Variants in ATP10B observed in about 807,000 individuals in gnomAD.
ATP10B encodes the protein ATPase phospholipid transporting 10B (putative).
Under a neutral mutation model 141.2 loss-of-function variants are expected in ATP10B, and 122 were observed. The observed-to-expected ratio is 0.86, with a 90% CI of 0.75 to 1.00. The LOEUF is 1.00. Ranked by LOEUF, ATP10B falls within the 50% of genes least tolerant of loss-of-function variation. ATP10B has a pLI of 0.00. For missense variants in ATP10B, 1,876 were observed against 1,825.3 expected, an observed-to-expected ratio of 1.03 and a Z score of -0.51; for synonymous variants, 685 against 692.0, an observed-to-expected ratio of 0.99 and a Z score of 0.16.
the ATP10B span, among the ~76,000 whole-genome samples, chr5:160,911,007 T>G: frequency 7.0e-4 from 106 of 152,330 alleles, 1 homozygote; most frequent in African/African-American, 2.5e-3. Flanking sequence ...TCTCACCTCC[T>G]GTTTATAAAT....
chr5:160,640,688 G>C (rs1759787596), intron 9 of ATP10B, 96 bp from the exon 10 acceptor site: 1 of 1,487,726 alleles, frequency 6.7e-7, no homozygotes, highest in Non-Finnish European at 9.1e-7. Context: ...TAAGATAAAA[G>C]AGAGGCTTCA....
intron 6 of ATP10B, among the ~76,000 whole-genome samples, chr5:160,678,103 C>G (rs184161578): frequency 1.3e-5 from 2 of 152,186 alleles, no homozygotes; most frequent in Non-Finnish European, 2.9e-5. Flanking sequence ...AACCTCTAGA[C>G]AGTTTTGCTG....
intron 1 of ATP10B, among the ~76,000 whole-genome samples, chr5:160,839,465 C>T (rs1322013462): frequency 6.6e-6 from 1 of 151,314 alleles, no homozygotes; most frequent in African/African-American, 2.4e-5. Context: ...TAAGTGAGAC[C>T]AAAAAAAGTC....
intron 1 of ATP10B, among the ~76,000 whole-genome samples, chr5:160,806,314 G>C (rs1772767699): frequency 6.6e-6 from 1 of 152,192 alleles, no homozygotes; most frequent in African/African-American, 2.4e-5. Flanking sequence ...CCCTGACCCA[G>C]ATAAAGGTCA....
intron 2 of ATP10B, among the ~76,000 whole-genome samples, chr5:160,778,568 G>A (rs1451801008): frequency 6.6e-6 from 1 of 152,182 alleles, no homozygotes; most frequent in Admixed American, 6.5e-5. Flanking sequence ...AGGAAGTCAT[G>A]GACCAGAGGA....
chr5:160,728,948 G>A (rs565146348), intron 2 of ATP10B, among the ~76,000 whole-genome samples: 77 of 152,324 alleles, frequency 5.1e-4, no homozygotes, highest in African/African-American at 1.8e-3. Flanking sequence ...CAAGGCCTGG[G>A]AATGGTGGTT....
intron 2 of ATP10B, among the ~76,000 whole-genome samples, chr5:160,731,009 TC>T (rs1368428659): frequency 6.6e-6 from 1 of 152,126 alleles, no homozygotes; most frequent in African/African-American, 2.4e-5. Context: ...CCATTAACCT[TC>T]CCATAATGTC....
chr5:160,795,960 AAC>A (rs1561862440), intron 1 of ATP10B, among the ~76,000 whole-genome samples: 2 of 152,142 alleles, frequency 1.3e-5, no homozygotes, highest in Admixed American at 6.5e-5. Flanking sequence ...CTAGAAAATA[AAC>A]ACAGTCCTCA....
At chr5:160,780,222 A>C (rs1327807395) in intron 2 of ATP10B, among the ~76,000 whole-genome samples, 1 of 152,172 alleles carries the variant, frequency 6.6e-6, no homozygotes, top group African/African-American at 2.4e-5. Context: ...AAACCTTAAG[A>C]GAATGGAGGA....
chr5:160,922,816 C>A, the ATP10B span, among the ~76,000 whole-genome samples: 2 of 152,154 alleles, frequency 1.3e-5, no homozygotes, highest in African/African-American at 2.4e-5. Context: ...CTTGCACTCT[C>A]GGGCTTATAT....
At chr5:160,590,341 G>A (rs1385233371) in intron 23 of ATP10B, among the ~76,000 whole-genome samples, 3 of 152,066 alleles carry the variant, frequency 2.0e-5, no homozygotes, top group Admixed American at 1.3e-4. Flanking sequence ...CAAAACACAA[G>A]ATCCCTGCCT....
Position 160,717,017 on chromosome 5 carries a change from C to T in ATP10B, c.-313G>A. Reference sequence around the variant, plus strand: ...TACTTTAGCTGGGCAAATTGTTGATCAGAATAAATTGCAAGTTCTGTAAGC... The same window carrying T: ...TACTTTAGCTGGGCAAATTGTTGATTAGAATAAATTGCAAGTTCTGTAAGC... On this transcript the variant is annotated 5_prime_UTR_variant, in exon 3 of 26. Transcript: ENST00000327245. 1.1e-5 allele frequency: 11 copies of T among 985,310 alleles called. No individual in the cohort carries two copies. The highest frequency in any genetic ancestry group is 1.3e-5 in the Non-Finnish European group (11 of 829,898). The allele number at this position is 985,310 out of a possible 1,614,324, so 61.0% of individuals were successfully genotyped here.
chr5:160,634,186 C>G (rs770727717), intron 12 of ATP10B, 168 bp downstream of exon 12: 1 of 922,142 alleles, frequency 1.1e-6, no homozygotes, highest in South Asian at 1.3e-5. Context: ...GTAATTGGAA[C>G]AGCCCTGATC....
intron 1 of ATP10B, among the ~76,000 whole-genome samples, chr5:160,790,834 C>T (rs148886107): frequency 3.9e-5 from 6 of 152,122 alleles, no homozygotes; most frequent in Non-Finnish European, 7.4e-5. Flanking sequence ...GTTTAAGATT[C>T]GGAGATGATG....
intron 1 of ATP10B, among the ~76,000 whole-genome samples, chr5:160,788,851 A>G (rs1771364211): frequency 6.6e-6 from 1 of 152,156 alleles, no homozygotes; most frequent in Non-Finnish European, 1.5e-5. Context: ...CCATCCATCC[A>G]TCCACTCATT....
In ATP10B at chr5:160,723,686, A is replaced by T. The variant is rs555162447; in HGVS notation, c.-330-6652T>A. 1.0e-3 allele frequency among the ~76,000 whole-genome samples: 158 copies of T among 152,318 alleles called. 1 individual carries two copies. The highest frequency in any genetic ancestry group is 1.7e-3 in the Non-Finnish European group (119 of 68,030). On this transcript the variant is annotated intron_variant, in intron 2 of 25. Coordinates refer to ENST00000327245, the MANE Select transcript of ATP10B (RefSeq NM_025153.3). ...GTATCTAGCCATATAAAATTAATCA[A>T]GAAATACCATGTTATTTACACTAAT...
chr5:160,871,836 G>A, the ATP10B span, among the ~76,000 whole-genome samples: 89,487 of 151,876 alleles, frequency 0.59, 28,598 homozygotes, highest in East Asian at 0.85. Flanking sequence ...ATGTGTGTGC[G>A]TTTTTTTATA....
At chr5:160,669,136 G>C (rs956943925) in intron 7 of ATP10B, among the ~76,000 whole-genome samples, 5 of 152,180 alleles carry the variant, frequency 3.3e-5, no homozygotes, top group African/African-American at 1.2e-4. Context: ...GTTAAAGAAA[G>C]GGACCATATT....
chr5:160,887,091 G>C, the ATP10B span, among the ~76,000 whole-genome samples: 2 of 152,114 alleles, frequency 1.3e-5, no homozygotes, highest in African/African-American at 2.4e-5. Flanking sequence ...ATTGAGCCAG[G>C]CACGAATTTT....
Sources: allele counts gnomAD v4.1 joint callset (sites outside exome capture counted in the v4.1 genomes callset), GRCh38; gene constraint gnomAD v4.1.1; transcripts MANE v1.5; gene names NCBI Gene and HGNC (gene_info 2026-07-23, HGNC 2026-07-21).